Variants in C4orf50 observed in about 807,000 individuals in gnomAD.
The protein encoded by C4orf50 is chromosome 4 open reading frame 50, also known as uncharacterized protein C4orf50.
A neutral mutation model predicts 77.2 loss-of-function variants in C4orf50; 80 were observed. The ratio of observed to expected loss-of-function variants is 1.04; its 90% CI spans 0.87 to 1.25. The LOEUF (loss-of-function observed/expected upper bound fraction) is 1.25, where lower values mean the gene tolerates loss of function less well. Ranked by LOEUF, C4orf50 falls within the 50% of genes most tolerant of loss-of-function variation. The pLI, the probability that C4orf50 is intolerant of heterozygous loss-of-function variation, is 0.00. For synonymous variants in C4orf50, 532 were observed against 465.3 expected, an observed-to-expected ratio of 1.14 and a Z score of -1.84; for missense variants, 1,257 against 1,152.9, an observed-to-expected ratio of 1.09 and a Z score of -1.31.
chr4:5,982,785 T>C (rs1720663209), intron 28 of C4orf50, among the ~76,000 whole-genome samples: 1 of 149,508 alleles, frequency 6.7e-6, no homozygotes, highest in Non-Finnish European at 1.5e-5. Context: ...AGAACCAGCC[T>C]GGGGGTGGGG....
intron 7 of C4orf50, among the ~76,000 whole-genome samples, chr4:5,915,239 G>C (rs1220484139): frequency 6.6e-6 from 1 of 152,118 alleles, no homozygotes; most frequent in Non-Finnish European, 1.5e-5. Context: ...CCTTCATCTT[G>C]CCTGTCAACA....
exon 28 of C4orf50, chr4:5,990,116 T>C: frequency 7.8e-7 from 1 of 1,275,282 alleles, no homozygotes; most frequent in East Asian, 2.9e-5. Context: ...CTTTCCCTCC[T>C]GCTCAGGGAT....
At chr4:5,998,882 G>A (rs1165478975) in intron 25 of C4orf50, among the ~76,000 whole-genome samples, 1 of 152,214 alleles carries the variant, frequency 6.6e-6, no homozygotes, top group African/African-American at 2.4e-5. Context: ...TGCCAAATAT[G>A]AATGGTTCTT....
chr4:5,959,227 T>A (rs766890934), exon 34 of C4orf50: 108 of 936,068 alleles, frequency 1.2e-4, no homozygotes, highest in Admixed American at 2.4e-4. Context: ...GCTCTGACAA[T>A]GAACACAAAA....
rs529342549 is a variant in C4orf50 at position 5,919,486 on chromosome 4, A to G, written c.*2475-21298T>C. Among the ~76,000 whole-genome samples the G allele has an allele frequency of 1.3e-3, 203 of 152,298 alleles. 1 individual carries two copies. The highest frequency in any genetic ancestry group is 4.7e-3 in the African/African-American group (194 of 41,578). ...CTGCCTCATGCCTCAGCAGCCCCAC[A>G]GAGACTGTGCAGGAGGCCATGTCGA... On this transcript the variant is annotated intron_variant, in intron 7 of 7. Transcript: ENST00000324058. The surrounding 1 kb of genome is among the most constrained non-coding windows in gnomAD (Gnocchi z 6.5).
chr4:5,997,170 G>A (rs1721629913), intron 25 of C4orf50, among the ~76,000 whole-genome samples: 2 of 152,208 alleles, frequency 1.3e-5, no homozygotes, highest in African/African-American at 2.4e-5. Context: ...GGTAGGCAGC[G>A]TGGAGACCAC....
chr4:5,960,330 TCAC>T (rs1294813415), intron 33 of C4orf50, among the ~76,000 whole-genome samples: 2 of 152,174 alleles, frequency 1.3e-5, no homozygotes, highest in Non-Finnish European at 2.9e-5. Context: ...CAGGACTGCC[TCAC>T]CAGGTAACAT....
At chr4:5,922,490 G>A (rs1717321673) in intron 7 of C4orf50, among the ~76,000 whole-genome samples, 1 of 152,202 alleles carries the variant, frequency 6.6e-6, no homozygotes, top group African/African-American at 2.4e-5. Context: ...ATCAGGTGTT[G>A]GGGCTATGCT....
chr4:5,980,199 C>T (rs545574392), exon 29 of C4orf50: 73 of 1,602,256 alleles, frequency 4.6e-5, no homozygotes, highest in East Asian at 1.6e-4. Flanking sequence ...CTCCTGGAGG[C>T]GGGTGGCCTC....
intron 7 of C4orf50, among the ~76,000 whole-genome samples, chr4:5,924,827 T>C (rs1337230748): frequency 1.3e-5 from 2 of 151,994 alleles, no homozygotes; most frequent in African/African-American, 4.8e-5. Context: ...AACATCCAAG[T>C]GGGAACAGGA....
chr4:5,985,342 A>G (rs899038217), intron 28 of C4orf50, among the ~76,000 whole-genome samples: 1 of 152,102 alleles, frequency 6.6e-6, no homozygotes, highest in Non-Finnish European at 1.5e-5. Context: ...ATTGTTTAAA[A>G]TAACAGTGGC....
rs1332084845 is a variant in C4orf50, at chr4:5,916,241, C to T, written c.*2475-18053G>A. The stretch of plus-strand genomic sequence containing the variant: ...CAGACGCACCAACAGCTCCTGGTTA[C>T]TCTGGGGGGCCCATGCACAGAGAAT... On this transcript the variant is annotated intron_variant, in intron 7 of 7. Coordinates refer to the C4orf50 transcript ENST00000324058. The surrounding 1 kb of genome is among the most constrained non-coding windows in gnomAD (Gnocchi z 4.4). Among the ~76,000 whole-genome samples, 1 of 152,212 alleles carries T rather than the reference C, an allele frequency of 6.6e-6. No homozygotes were observed. Among genetic ancestry groups the T allele is most frequent in the Admixed American group, 6.5e-5 (1 of 15,284 alleles).
intron 25 of C4orf50, among the ~76,000 whole-genome samples, chr4:5,994,805 T>A (rs929809022): frequency 1.3e-5 from 2 of 152,150 alleles, no homozygotes; most frequent in Non-Finnish European, 2.9e-5. Context: ...ACTGGTACAG[T>A]CCGTGGCCTG....
intron 25 of C4orf50, among the ~76,000 whole-genome samples, chr4:5,996,040 A>G (rs553183205): frequency 1.3e-5 from 2 of 152,314 alleles, no homozygotes; most frequent in East Asian, 1.9e-4. Flanking sequence ...CTCTGGCTAC[A>G]GGGTCAGCAC....
chr4:5,937,572 GATATAC>G (rs1260806652), intron 7 of C4orf50, among the ~76,000 whole-genome samples: 1 of 152,092 alleles, frequency 6.6e-6, no homozygotes, highest in African/African-American at 2.4e-5. Context: ...TATATATTAT[GATATAC>G]ATATATCAGT....
Position 5,932,675 on chromosome 4 carries a change from C to A in C4orf50, c.*2474+24226G>T, listed in dbSNP as rs1337551644. The stretch of plus-strand genomic sequence containing the variant: ...CAGGCTGGTCTTGAACTCTTGGGCT[C>A]AGGCAATTCTCTTACCTCAGCCTCC... On this transcript the variant is annotated intron_variant, in intron 7 of 7. Coordinates refer to the C4orf50 transcript ENST00000324058. This position sits in a 1 kb window ranked among gnomAD's most constrained non-coding sequence, Gnocchi z 4.2. Among the ~76,000 whole-genome samples, 8 of 152,112 alleles carry A rather than the reference C, an allele frequency of 5.3e-5. No homozygotes were observed. Among genetic ancestry groups the A allele is most frequent in the Non-Finnish European group, 1.0e-4 (7 of 68,026 alleles).
intron 23 of C4orf50, among the ~76,000 whole-genome samples, chr4:6,012,545 TA>T (rs752510168): frequency 6.7e-4 from 102 of 152,302 alleles, no homozygotes; most frequent in Non-Finnish European, 1.2e-3. Context: ...TGAAAAAAAT[TA>T]ATCTCTGCAT....
intron 28 of C4orf50, among the ~76,000 whole-genome samples, chr4:5,987,703 T>C (rs191829076): frequency 6.7e-6 from 1 of 149,910 alleles, no homozygotes; most frequent in Non-Finnish European, 1.5e-5. Flanking sequence ...GAGAGAGAAA[T>C]AGAGATAGAA....
intron 7 of C4orf50, among the ~76,000 whole-genome samples, chr4:5,920,140 T>A (rs1187955344): frequency 2.0e-5 from 3 of 152,198 alleles, no homozygotes; most frequent in Admixed American, 1.3e-4. Flanking sequence ...CAGATGTGGG[T>A]CTCCTTAGGA....
Sources: gnomAD v4.1 joint callset for allele counts (sites outside exome capture counted in the v4.1 genomes callset) on GRCh38, gnomAD v4.1.1 for gene constraint, Gnocchi (gnomAD v3.1) non-coding constraint, MANE v1.5 for transcripts, NCBI Gene and HGNC (gene_info 2026-07-23, HGNC 2026-07-21) for gene names.